CDH4: variants seen among roughly 807,000 people sequenced by gnomAD.
CDH4 encodes cadherin 4, also known as cadherin-4.
Under a neutral mutation model 86.0 loss-of-function variants are expected in CDH4, and 33 were observed. The observed-to-expected ratio is 0.38, with a 90% CI of 0.29 to 0.51. The LOEUF is 0.51. Among genes scored for constraint, CDH4 ranks in the 20% least tolerant of loss-of-function variants. The pLI, the probability that CDH4 is intolerant of heterozygous loss-of-function variation, is 0.86. For missense variants in CDH4, 1,114 were observed against 1,307.4 expected (o/e 0.85, Z 2.28); for synonymous variants, 555 against 549.4 (o/e 1.01, Z -0.14).
At chr20:61,455,799 C>T (rs550421116) in intron 2 of CDH4, among the ~76,000 whole-genome samples, 28 of 152,294 alleles carry the variant, frequency 1.8e-4, no homozygotes, top group African/African-American at 3.6e-4. Flanking sequence ...TCCTCGAGGA[C>T]GCTGTGTATG....
At chr20:61,445,847 A>T (rs1404120492) in intron 2 of CDH4, among the ~76,000 whole-genome samples, 1 of 152,148 alleles carries the variant, frequency 6.6e-6, no homozygotes, top group Non-Finnish European at 1.5e-5. Flanking sequence ...ATGGGGAGGG[A>T]GGGTTCCCAG....
chr20:61,580,781 G>A (rs182622014), intron 2 of CDH4, among the ~76,000 whole-genome samples: 7 of 152,266 alleles, frequency 4.6e-5, no homozygotes, highest in African/African-American at 9.6e-5. Context: ...AATGGGTGGC[G>A]CCTAATGGGG....
intron 2 of CDH4, among the ~76,000 whole-genome samples, chr20:61,376,014 GATA>G (rs1296991547): frequency 3.3e-5 from 3 of 91,960 alleles, no homozygotes; most frequent in African/African-American, 1.2e-4. Flanking sequence ...TGGTGGTGGT[GATA>G]CTGTGGTTTG....
At chr20:61,555,179 G>A (rs1440815554) in intron 2 of CDH4, among the ~76,000 whole-genome samples, 3 of 152,218 alleles carry the variant, frequency 2.0e-5, no homozygotes, top group Non-Finnish European at 2.9e-5. Flanking sequence ...TACAATACAA[G>A]TTGTAGCTGC....
chr20:61,442,348 C>G (rs763695084), intron 2 of CDH4, among the ~76,000 whole-genome samples: 1 of 152,204 alleles, frequency 6.6e-6, no homozygotes, highest in Non-Finnish European at 1.5e-5. Flanking sequence ...ACTTGCAGAA[C>G]CTGTTTTTAA....
At chr20:61,686,791 G>A (rs956196722) in intron 2 of CDH4, among the ~76,000 whole-genome samples, 3 of 152,232 alleles carry the variant, frequency 2.0e-5, no homozygotes, top group Non-Finnish European at 4.4e-5. Flanking sequence ...GTGTGCATGT[G>A]TGCATGTCCA....
intron 2 of CDH4, among the ~76,000 whole-genome samples, chr20:61,376,721 T>C (rs568503839): frequency 2.2e-4 from 33 of 152,318 alleles, no homozygotes; most frequent in African/African-American, 7.7e-4. Context: ...TTCCCATCTG[T>C]CTCAGCACAG....
intron 4 of CDH4, among the ~76,000 whole-genome samples, chr20:61,814,074 G>A (rs114407003): frequency 4.5e-4 from 69 of 152,278 alleles, no homozygotes; most frequent in African/African-American, 1.6e-3. Context: ...CCCAGGTGCC[G>A]GGCCCATGTG....
chr20:61,880,872 G>A (rs1984244289), intron 7 of CDH4, among the ~76,000 whole-genome samples: 3 of 152,240 alleles, frequency 2.0e-5, no homozygotes, highest in Non-Finnish European at 4.4e-5. Context: ...CACCCAGCAA[G>A]GTGAGAAGAG....
chr20:61,857,570 C>A (rs1983075070), intron 6 of CDH4, among the ~76,000 whole-genome samples: 1 of 152,274 alleles, frequency 6.6e-6, no homozygotes, highest in Admixed American at 6.5e-5. Flanking sequence ...GTGGAGGGAG[C>A]TGGGGCCTGG....
chr20:61,652,938 A>ATTTTTATTTTTTTTTTTTTTT (rs2087138479), intron 2 of CDH4, among the ~76,000 whole-genome samples: 1 of 97,402 alleles, frequency 1.0e-5, no homozygotes, highest in Non-Finnish European at 2.4e-5. Context: ...TTATTTATTT[A>ATTTTTATTTTTTTTTTTTTTT]TTTTTTTTTT....
intron 4 of CDH4, among the ~76,000 whole-genome samples, chr20:61,785,585 G>A (rs995867538): frequency 3.3e-5 from 5 of 152,094 alleles, no homozygotes; most frequent in Non-Finnish European, 7.4e-5. Context: ...CCTCACCCAG[G>A]TGCGCAGAGC....
chr20:61,646,766 T>G (rs2087065827), intron 2 of CDH4, among the ~76,000 whole-genome samples: 1 of 152,240 alleles, frequency 6.6e-6, no homozygotes, highest in African/African-American at 2.4e-5. Flanking sequence ...CTAAAAATTC[T>G]GCAGAAACAC....
At chr20:61,379,722 A>G (rs2084889847) in intron 2 of CDH4, among the ~76,000 whole-genome samples, 1 of 152,216 alleles carries the variant, frequency 6.6e-6, no homozygotes, top group African/African-American at 2.4e-5. Flanking sequence ...AAAAATGGCC[A>G]GGACATTCTT....
chr20:61,293,307 G>A (rs937993568), intron 2 of CDH4, among the ~76,000 whole-genome samples: 2 of 152,186 alleles, frequency 1.3e-5, no homozygotes, highest in East Asian at 1.9e-4. Context: ...CTCCTGGGAC[G>A]GGTGGCAGGA....
At chr20:61,616,022 G>A (rs374178284) in intron 2 of CDH4, among the ~76,000 whole-genome samples, 18 of 152,244 alleles carry the variant, frequency 1.2e-4, no homozygotes, top group East Asian at 9.6e-4. Context: ...CTGCTGAGCC[G>A]CCTCGTGGCC....
intron 2 of CDH4, among the ~76,000 whole-genome samples, chr20:61,477,257 A>C (rs2085542671): frequency 6.6e-6 from 1 of 152,220 alleles, no homozygotes; most frequent in African/African-American, 2.4e-5. Context: ...GCCAATGGGC[A>C]AATGCAGTGC....
At chr20:61,357,224 A>G (rs969747024) in intron 2 of CDH4, among the ~76,000 whole-genome samples, 7 of 152,136 alleles carry the variant, frequency 4.6e-5, no homozygotes, top group African/African-American at 7.2e-5. Context: ...CTTCTTCTCT[A>G]TAATTTGTTA....
At chr20:61,632,802 C>T (rs2086904252) in intron 2 of CDH4, among the ~76,000 whole-genome samples, 1 of 150,540 alleles carries the variant, frequency 6.6e-6, no homozygotes. Context: ...CTGTACTCCC[C>T]TGTGCACCAC....
Sources: allele counts gnomAD v4.1 joint callset (sites outside exome capture counted in the v4.1 genomes callset), GRCh38; gene constraint gnomAD v4.1.1; transcripts MANE v1.5; gene names NCBI Gene and HGNC (gene_info 2026-07-23, HGNC 2026-07-21).